Variants in PFAS observed in about 807,000 individuals in gnomAD.
The protein encoded by PFAS is phosphoribosylformylglycinamidine synthase.
In PFAS, 97 loss-of-function variants were observed where a neutral mutation model predicts 140.6. The observed-to-expected ratio is 0.69, with a 90% CI of 0.59 to 0.82. The LOEUF (loss-of-function observed/expected upper bound fraction) is 0.82, where lower values mean the gene tolerates loss of function less well. Among genes scored for constraint, PFAS ranks in the 40% least tolerant of loss-of-function variants. The pLI is 0.00. For missense variants in PFAS, 1,656 were observed against 1,780.2 expected, an observed-to-expected ratio of 0.93 and a Z score of 1.26; for synonymous variants, 679 against 718.8, an observed-to-expected ratio of 0.94 and a Z score of 0.88.
rs767302579 is a variant in PFAS at position 8,258,076 on chromosome 17, G to T, written c.1213G>T (p.Ala405Ser). 1 of 1,613,990 alleles carries T rather than the reference G, an allele frequency of 6.2e-7. No individual in the cohort carries two copies. The highest frequency in any genetic ancestry group is 1.7e-5 in the Admixed American group (1 of 59,994). ...KFGEPVLAGFARSLGLQLPDG... is the reference protein window; with the variant it reads ...KFGEPVLAGFSRSLGLQLPDG... ...CTCTGATGTTCACACTCCAGGCTTCGCCCGCTCCTTGGGCCTCCAGCTCCC... is the reference window on the plus strand; with the variant it reads ...CTCTGATGTTCACACTCCAGGCTTCTCCCGCTCCTTGGGCCTCCAGCTCCC... The change falls in exon 11 of 28, where the codon GCC (alanine) becomes TCC (serine). Residue 405 changes from alanine (A) to serine (S), a missense_variant. Physicochemically the swap from Ala to Ser is moderately conservative, Grantham distance 99. Coordinates refer to ENST00000314666, the MANE Select transcript of PFAS (RefSeq NM_012393.3).
rs964065131 is a variant in PFAS at position 8,256,888 on chromosome 17, G to A, written c.1000G>A (p.Val334Ile). The change falls in exon 9 of 28, where the codon GTC becomes ATC. Residue 334 changes from valine to isoleucine, a missense_variant. Coordinates refer to ENST00000314666, the MANE Select transcript of PFAS (RefSeq NM_012393.3). ...TTGTGGRIRD[V>I]QCTGRGAHVV... The stretch of plus-strand genomic sequence containing the variant: ...TGGCACAGGGGGCCGGATTCGAGAT[G>A]TCCAGTGCACAGGCCGCGGGGCCCA... 1 of 1,614,050 alleles carries A rather than the reference G, an allele frequency of 6.2e-7. No homozygotes were observed. Among genetic ancestry groups the A allele is most frequent in the Non-Finnish European group, 8.5e-7 (1 of 1,179,946 alleles).
chr17:8,257,664 C>G lies in PFAS; in HGVS notation c.1076-143C>G, dbSNP rs893498914. 6.0e-6 allele frequency: 5 copies of G among 832,880 alleles called. No individual in the cohort carries two copies. In the Admixed American group the frequency reaches 9.5e-5, roughly 16 times the overall value. 51.6% of individuals were successfully genotyped at this position (832,880 alleles called of 1,614,324 possible). A position where few individuals can be genotyped will look rare whatever the true frequency, so the allele number is the denominator to read the frequency against. ...GCCTCACTGCAGGCTCTAGGGCTTC[C>G]TAAAGCAGGACTTCCTGAAGTGGAA... On this transcript the variant is annotated intron_variant, in intron 9 of 27. Transcript: ENST00000314666.
intron 3 of PFAS, 53 bp downstream of exon 3, chr17:8,254,354 T>C (rs1989276073): frequency 1.2e-6 from 2 of 1,601,490 alleles, no homozygotes; most frequent in East Asian, 2.2e-5. Flanking sequence ...TGCTTCCTCT[T>C]GTGATCCTTG....
At chr17:8,255,359 G>T in intron 4 of PFAS, 143 bp from the exon 5 acceptor site, 1 of 693,202 alleles carries the variant, frequency 1.4e-6, no homozygotes. Flanking sequence ...ACCTGGAAAG[G>T]GCGTCTTTTT....
intron 3 of PFAS, among the ~76,000 whole-genome samples, chr17:8,254,817 A>G (rs1313290477): frequency 6.6e-6 from 1 of 152,238 alleles, no homozygotes; most frequent in African/African-American, 2.4e-5. Flanking sequence ...GAAAGAAAAA[A>G]AAATCAAATA....
intron 12 of PFAS, 21 bp from the exon 13 acceptor site, chr17:8,263,088 C>G: frequency 6.2e-7 from 1 of 1,613,528 alleles, no homozygotes; most frequent in Non-Finnish European, 8.5e-7. Flanking sequence ...CTGAGCTGAG[C>G]TATGCCATAT....
At chr17:8,260,655 C>T (rs1057082050) in intron 11 of PFAS, among the ~76,000 whole-genome samples, 1 of 152,166 alleles carries the variant, frequency 6.6e-6, no homozygotes, top group African/African-American at 2.4e-5. Context: ...GACGGAGTCT[C>T]GCTCTGTCGC....
In PFAS at chr17:8,267,541, A is replaced by G; in HGVS notation, c.3268-10A>G. ...CCTCCCACCCACACTCCCCCTCCCC[A>G]CCTTCGCAGGTATGGGACGTGACCA... On this transcript the variant is annotated splice_polypyrimidine_tract_variant and intron_variant, in intron 25 of 27. Transcript: ENST00000314666. The surrounding 1 kb of genome is among the most constrained non-coding windows in gnomAD (Gnocchi z 4.9). 2 of 1,595,634 alleles carry G rather than the reference A, an allele frequency of 1.3e-6. No individual in the cohort carries two copies. Among genetic ancestry groups the G allele is most frequent in the Non-Finnish European group, 1.7e-6 (2 of 1,163,190 alleles).
intron 1 of PFAS, among the ~76,000 whole-genome samples, chr17:8,249,880 A>AGCAGCAAC (rs140787441): frequency 0.019 from 2,882 of 152,292 alleles, 98 homozygotes; most frequent in African/African-American, 0.066. Flanking sequence ...ATGGAAACGA[A>AGCAGCAAC]GCAGCAACAT....
At chr17:8,265,241 C>A in intron 18 of PFAS, 47 bp from the exon 19 acceptor site, 1 of 1,594,096 alleles carries the variant, frequency 6.3e-7, no homozygotes, top group Non-Finnish European at 8.6e-7. Context: ...CCCCTGGCCT[C>A]TCCACATTTC....
intron 11 of PFAS, among the ~76,000 whole-genome samples, chr17:8,259,412 A>G (rs1374242150): frequency 6.6e-6 from 1 of 152,078 alleles, no homozygotes; most frequent in Non-Finnish European, 1.5e-5. Flanking sequence ...CTGGGATTAC[A>G]GGTGTGAGCC....
intron 11 of PFAS, chr17:8,262,352 T>C (rs1469584486): frequency 6.5e-6 from 1 of 154,612 alleles, no homozygotes; most frequent in Non-Finnish European, 1.4e-5. Flanking sequence ...TAGGTGATTT[T>C]ATACCTGTGC....
intron 16 of PFAS, 21 bp downstream of exon 16, chr17:8,264,358 G>T (rs1989722313): frequency 1.2e-6 from 2 of 1,613,116 alleles, no homozygotes; most frequent in Admixed American, 3.3e-5. Context: ...TTGAGGGGAT[G>T]GGTTTTTCCT....
rs541236125 is a variant in PFAS, at chr17:8,256,306, C to T, written c.720C>T (p.His240=). Residue 240 remains histidine (H), a synonymous_variant, in exon 7 of 28, where the codon CAC becomes CAT. Transcript: ENST00000314666. ...ACTGGTTCTTCAAGGGCCAGCTCCA[C>T]GTGGATGGGCAGAAGCTGGTGCACT... ...SRHWFFKGQL[H]VDGQKLVHSL... 63 of 1,614,052 alleles carry T rather than the reference C, an allele frequency of 3.9e-5. No individual in the cohort carries two copies. The highest frequency in any genetic ancestry group is 7.7e-5 in the South Asian group (7 of 91,080).
intron 11 of PFAS, among the ~76,000 whole-genome samples, chr17:8,259,115 G>T (rs76082855): frequency 1.4e-5 from 2 of 140,578 alleles, no homozygotes; most frequent in African/African-American, 2.6e-5. Context: ...CACTGCGATC[G>T]CACCACTGTC....
Position 8,266,429 on chromosome 17 carries a change from GAGTGGAGTGCCCTCC to G in PFAS, c.2821+80_2821+94del. 1 of 1,589,324 alleles carries G rather than the reference GAGTGGAGTGCCCTCC, an allele frequency of 6.3e-7. No individual in the cohort carries two copies. Among genetic ancestry groups the G allele is most frequent in the Non-Finnish European group, 8.6e-7 (1 of 1,166,804 alleles). On this transcript the variant is annotated intron_variant, in intron 22 of 27. Transcript: ENST00000314666. The surrounding 1 kb of genome is among the most constrained non-coding windows in gnomAD (Gnocchi z 5.0). ...CAGACCCCATTTCCAATATATTAAA[GAGTGGAGTGCCCTCC>G]AGTCCCCTTTCCCTGAGTCTTCCCT...
upstream of PFAS, chr17:8,248,173 C>T: frequency 1.4e-6 from 1 of 705,368 alleles, no homozygotes; most frequent in Non-Finnish European, 2.5e-6. Context: ...CTCACCCCCT[C>T]GCTTCCTAGA....
In PFAS at chr17:8,267,786, A is replaced by G. The variant is rs980831855; in HGVS notation, c.3382+121A>G. The G allele has an allele frequency of 3.7e-6, 2 of 534,984 alleles. No individual in the cohort carries two copies. The highest frequency in any genetic ancestry group is 3.9e-5 in the African/African-American group (2 of 51,816). The allele number at this position is 534,984 out of a possible 1,614,324, so 33.1% of individuals were successfully genotyped here. ...CACCGAGCTACGAGAGAGTGGGCCC[A>G]TTCGTTCTGGGCCACATGCCAACAG... On this transcript the variant is annotated intron_variant, in intron 26 of 27. Transcript: ENST00000314666. This position sits in a 1 kb window ranked among gnomAD's most constrained non-coding sequence, Gnocchi z 4.9.
chr17:8,247,852 A>G, upstream of PFAS: 3 of 702,074 alleles, frequency 4.3e-6, no homozygotes, highest in Non-Finnish European at 7.5e-6. Flanking sequence ...CAGAACCAGT[A>G]AGAGGTAGGA....
Sources: allele counts gnomAD v4.1 joint callset (sites outside exome capture counted in the v4.1 genomes callset), GRCh38; gene constraint gnomAD v4.1.1; non-coding constraint Gnocchi (gnomAD v3.1); transcripts MANE v1.5; gene names NCBI Gene and HGNC (gene_info 2026-07-23, HGNC 2026-07-21).